Variants in CYP2C8 observed in about 807,000 individuals in gnomAD.
The protein encoded by CYP2C8 is cytochrome P450 family 2 subfamily C member 8, also known as cytochrome P450 2C8.
In CYP2C8, 51 loss-of-function variants were observed where a neutral mutation model predicts 41.3. The observed-to-expected ratio is 1.24, with a 90% CI of 0.99 to 1.56. The LOEUF is 1.56. Ranked by LOEUF, CYP2C8 falls within the 40% of genes most tolerant of loss-of-function variation. The pLI is 0.00. For synonymous variants in CYP2C8, 218 were observed against 205.8 expected (o/e 1.06, Z -0.51); for missense variants, 651 against 579.9 (o/e 1.12, Z -1.26).
chr10:95,064,735 T>A (rs892266507), intron 4 of CYP2C8, 65 bp downstream of exon 4: 33 of 1,514,166 alleles, frequency 2.2e-5, no homozygotes, highest in Non-Finnish European at 2.7e-5. Flanking sequence ...TTCTCATTTT[T>A]AAACCAAGTC....
intron 3 of CYP2C8, among the ~76,000 whole-genome samples, chr10:95,066,153 A>AGAGAGAGAGGGTGT: frequency 1.1e-5 from 1 of 88,286 alleles, no homozygotes; most frequent in South Asian, 4.1e-4. Context: ...AGAGAGAGAG[A>AGAGAGAGAGGGTGT]GTGTGTGTGT....
chr10:95,069,146 G>C (rs1387626694), intron 1 of CYP2C8, 89 bp downstream of exon 1: 1 of 1,387,616 alleles, frequency 7.2e-7, no homozygotes, highest in Non-Finnish European at 1.0e-6. Context: ...TATTATAATA[G>C]TGTGCTTCCA....
chr10:95,046,003 A>C, intron 5 of CYP2C8, 52 bp from the exon 6 acceptor site: 1 of 1,592,584 alleles, frequency 6.3e-7, no homozygotes, highest in Non-Finnish European at 8.6e-7. Flanking sequence ...AGTATATCTA[A>C]ATACACTAAA....
intron 5 of CYP2C8, among the ~76,000 whole-genome samples, chr10:95,058,017 A>G (rs1482019768): frequency 6.6e-6 from 1 of 152,164 alleles, no homozygotes; most frequent in Non-Finnish European, 1.5e-5. Flanking sequence ...CAATATTGAT[A>G]TTCATCTTCA....
At chr10:95,065,043 T>C in intron 3 of CYP2C8, 83 bp from the exon 4 acceptor site, 1 of 1,221,560 alleles carries the variant, frequency 8.2e-7, no homozygotes, top group Non-Finnish European at 1.1e-6. Context: ...AAAGGAAATT[T>C]AGAAATTTTA....
At chr10:95,059,468 T>C (rs1426066526) in intron 4 of CYP2C8, among the ~76,000 whole-genome samples, 1 of 152,200 alleles carries the variant, frequency 6.6e-6, no homozygotes, top group East Asian at 1.9e-4. Flanking sequence ...TCGTATCCTT[T>C]GCCCACTTGT....
Position 95,042,946 on chromosome 10 carries a change from C to A in CYP2C8, c.1093G>T (p.Gly365Cys), listed in dbSNP as rs77147096. ...IQRYSDLVPTGVPHAVTTDTK... is the reference protein window; with the variant it reads ...IQRYSDLVPTCVPHAVTTDTK... ...TCAGTGGTCACTGCATGGGGCACACCGGTGGGGACAAGGTCACTGTATCTC... is the reference window on the plus strand; with the variant it reads ...TCAGTGGTCACTGCATGGGGCACACAGGTGGGGACAAGGTCACTGTATCTC... The change falls in exon 7 of 9, where the codon GGT (glycine) becomes TGT (cysteine). Residue 365 changes from glycine (G) to cysteine (C), a missense_variant. Physicochemically the swap from Gly to Cys is radical, Grantham distance 159 (BLOSUM62 -3). Transcript: ENST00000371270. 1.9e-6 allele frequency: 3 copies of A among 1,614,072 alleles called. No individual in the cohort carries two copies. Among genetic ancestry groups the A allele is most frequent in the Admixed American group, 1.7e-5 (1 of 60,010 alleles).
chr10:95,042,767 T>C, intron 7 of CYP2C8, 123 bp downstream of exon 7: 3 of 838,108 alleles, frequency 3.6e-6, no homozygotes, highest in Non-Finnish European at 6.2e-6. Flanking sequence ...AGAAAGTCCA[T>C]CAAGCTGCCA....
intron 1 of CYP2C8, among the ~76,000 whole-genome samples, chr10:95,068,217 C>T (rs146295553): frequency 6.6e-6 from 1 of 152,260 alleles, no homozygotes; most frequent in African/African-American, 2.4e-5. Flanking sequence ...TTTACAGTGT[C>T]ACCCCAGGTG....
Position 95,068,592 on chromosome 10 carries a change from C to A in CYP2C8, c.168+643G>T, listed in dbSNP as rs1400942124. 11 of 1,288,712 alleles carry A rather than the reference C, an allele frequency of 8.5e-6. No individual in the cohort carries two copies. In the African/African-American group the frequency reaches 1.7e-4, roughly 20 times the overall value. 79.8% of individuals were successfully genotyped at this position (1,288,712 alleles called of 1,614,324 possible). A position where few individuals can be genotyped will look rare whatever the true frequency, so the allele number is the denominator to read the frequency against. On this transcript the variant is annotated intron_variant, in intron 1 of 8. Transcript: ENST00000371270. ...TGGATGAAATTTCTAATCACACACACTTCCCTTCACCTTCAGTCAAAAATC... is the reference window on the plus strand; with the variant it reads ...TGGATGAAATTTCTAATCACACACAATTCCCTTCACCTTCAGTCAAAAATC...
At chr10:95,066,667 T>C (rs974734614) in intron 3 of CYP2C8, among the ~76,000 whole-genome samples, 2 of 152,130 alleles carry the variant, frequency 1.3e-5, no homozygotes, top group Non-Finnish European at 2.9e-5. Flanking sequence ...AGTAAAACCA[T>C]ACATAGTGTC....
At chr10:95,058,161 A>G (rs2033346773) in intron 5 of CYP2C8, among the ~76,000 whole-genome samples, 174 bp downstream of exon 5, 1 of 152,186 alleles carries the variant, frequency 6.6e-6, no homozygotes, top group African/African-American at 2.4e-5. Flanking sequence ...CCATTGGACA[A>G]TTTTGTATTT....
intron 4 of CYP2C8, among the ~76,000 whole-genome samples, chr10:95,060,542 G>A (rs2033405720): frequency 6.6e-6 from 1 of 151,996 alleles, no homozygotes; most frequent in South Asian, 2.1e-4. Flanking sequence ...GGAGATTTTG[G>A]GCTGAGATGA....
intron 4 of CYP2C8, among the ~76,000 whole-genome samples, chr10:95,060,933 G>T (rs1263983883): frequency 1.3e-5 from 2 of 152,116 alleles, no homozygotes. Context: ...CTGTTTATAT[G>T]CTGGATTACA....
At chr10:95,048,766 G>A (rs1258067018) in intron 5 of CYP2C8, among the ~76,000 whole-genome samples, 1 of 152,010 alleles carries the variant, frequency 6.6e-6, no homozygotes, top group Non-Finnish European at 1.5e-5. Flanking sequence ...TTACCCAGGG[G>A]AACATGTAGA....
intron 3 of CYP2C8, among the ~76,000 whole-genome samples, chr10:95,066,323 G>T (rs1322594925): frequency 1.3e-5 from 2 of 151,946 alleles, no homozygotes; most frequent in Non-Finnish European, 2.9e-5. Context: ...GAGTAAATTG[G>T]CAGTGGGAGA....
At chr10:95,046,675 G>T (rs543716962) in intron 5 of CYP2C8, among the ~76,000 whole-genome samples, 1 of 151,756 alleles carries the variant, frequency 6.6e-6, no homozygotes, top group Admixed American at 6.6e-5. Context: ...ATGTGAAGGG[G>T]GAGGTAGGAT....
chr10:95,063,671 G>A (rs544951709), intron 4 of CYP2C8, among the ~76,000 whole-genome samples: 159 of 152,246 alleles, frequency 1.0e-3, no homozygotes, highest in African/African-American at 2.7e-3. Flanking sequence ...GCTTTGTTCC[G>A]TTGCTGGTGA....
chr10:95,057,654 C>T (rs540842843), intron 5 of CYP2C8, among the ~76,000 whole-genome samples: 6 of 152,246 alleles, frequency 3.9e-5, no homozygotes, highest in African/African-American at 1.2e-4. Context: ...CAAATCCTCA[C>T]ATTTATACTC....
Sources: gnomAD v4.1 joint callset for allele counts (sites outside exome capture counted in the v4.1 genomes callset) on GRCh38, gnomAD v4.1.1 for gene constraint, MANE v1.5 for transcripts, NCBI Gene and HGNC (gene_info 2026-07-23, HGNC 2026-07-21) for gene names.